The following OR10H5 variants were observed in gnomAD, a reference collection of about 807,000 sequenced individuals.
OR10H5 encodes the protein olfactory receptor 10H5.
A neutral mutation model predicts 12.2 loss-of-function variants in OR10H5; 7 were observed. That is an observed-to-expected ratio of 0.57 (90% CI 0.33 to 1.07). OR10H5 has a LOEUF of 1.07. OR10H5 is among the 50% of genes least tolerant of loss of function. The pLI is 0.04. For missense variants in OR10H5, 346 were observed against 411.6 expected (o/e 0.84, Z 1.38); for synonymous variants, 159 against 175.1 (o/e 0.91, Z 0.73).
Position 15,794,256 on chromosome 19 carries a change from G to A in OR10H5, c.208G>A (p.Glu70Lys), listed in dbSNP as rs2088825096. Residue 70 changes from glutamate (E) to lysine (K), a missense_variant, in exon 2 of 2, where the codon GAG (glutamate) becomes AAG (lysine). By Grantham distance (56) the Glu-to-Lys change is moderately conservative (BLOSUM62 1). Coordinates refer to ENST00000642092, the MANE Select transcript of OR10H5 (RefSeq NM_001004466.2). Reference sequence around the variant, plus strand: ...CTTCCTGTGTGCCCTCTCCATCACCGAGATCCTCTACACCGTGGCCATCAT... The same window carrying A: ...CTTCCTGTGTGCCCTCTCCATCACCAAGATCCTCTACACCGTGGCCATCAT... ...YLFLCALSIT[E>K]ILYTVAIIPR... The A allele has an allele frequency of 2.5e-6, 4 of 1,613,654 alleles. No homozygotes were observed. Among genetic ancestry groups the A allele is most frequent in the South Asian group, 2.2e-5 (2 of 91,004 alleles).
intron 1 of OR10H5, among the ~76,000 whole-genome samples, chr19:15,792,993 A>G (rs1004418011): frequency 1.2e-4 from 18 of 152,176 alleles, no homozygotes; most frequent in African/African-American, 4.3e-4. Context: ...CCGAGATTTA[A>G]AAATAGGAAT....
In OR10H5 at chr19:15,796,283, T is replaced by C. The variant is rs2088839608; in HGVS notation, c.*1287T>C. The C allele has an allele frequency of 6.6e-6, 1 of 152,240 alleles. No individual in the cohort carries two copies. The highest frequency in any genetic ancestry group is 6.5e-5 in the Admixed American group (1 of 15,274). The allele number at this position is 152,240 out of a possible 1,614,324, so 9.4% of individuals were successfully genotyped here. The stretch of plus-strand genomic sequence containing the variant: ...AGCTGGATTGAAAACAAGAGACACA[T>C]TCTAGCTAGCACCAATGGAGTGAGC... On this transcript the variant is annotated 3_prime_UTR_variant, in exon 2 of 2. Transcript: ENST00000642092.
chr19:15,796,445 G>C lies in OR10H5; in HGVS notation c.*1449G>C, dbSNP rs1317113578. 6.6e-6 allele frequency: 1 copy of C among 152,134 alleles called. No homozygotes were observed. The highest frequency in any genetic ancestry group is 2.4e-5 in the African/African-American group (1 of 41,426). 9.4% of individuals were successfully genotyped at this position (152,134 alleles called of 1,614,324 possible). A position where few individuals can be genotyped will look rare whatever the true frequency, so the allele number is the denominator to read the frequency against. ...TTTTAGTAGACGTGTTAATACGAAA[G>C]AGTGTGTCACATTCAAATATTAAAT... On this transcript the variant is annotated 3_prime_UTR_variant, in exon 2 of 2. Coordinates refer to ENST00000642092, the MANE Select transcript of OR10H5 (RefSeq NM_001004466.2).
At position 15,796,298 on chromosome 19, in the gene OR10H5, A is replaced by G. The variant is rs2088839635; in HGVS notation, c.*1302A>G. 1 of 152,264 alleles carries G rather than the reference A, an allele frequency of 6.6e-6. No homozygotes were observed. 9.4% of individuals were successfully genotyped at this position (152,264 alleles called of 1,614,324 possible). A position where few individuals can be genotyped will look rare whatever the true frequency, so the allele number is the denominator to read the frequency against. On this transcript the variant is annotated 3_prime_UTR_variant, in exon 2 of 2. Transcript: ENST00000642092. ...AAGAGACACATTCTAGCTAGCACCAATGGAGTGAGCCCAGAACTAGAAATA... is the reference window on the plus strand; with the variant it reads ...AAGAGACACATTCTAGCTAGCACCAGTGGAGTGAGCCCAGAACTAGAAATA...
chr19:15,799,729 AATAAGATCTCACTCTGTCACCC>A lies in OR10H5; in HGVS notation c.*4736_*4757del, dbSNP rs1252642757. 1 of 151,058 alleles carries A rather than the reference AATAAGATCTCACTCTGTCACCC, an allele frequency of 6.6e-6. No individual in the cohort carries two copies. The highest frequency in any genetic ancestry group is 1.5e-5 in the Non-Finnish European group (1 of 67,812). The allele number at this position is 151,058 out of a possible 1,614,324, so 9.4% of individuals were successfully genotyped here. On this transcript the variant is annotated 3_prime_UTR_variant, in exon 2 of 2. Coordinates refer to ENST00000642092, the MANE Select transcript of OR10H5 (RefSeq NM_001004466.2). ...TTTTTGAGAGAGAGAGAGAGAGAGAAATAAGATCTCACTCTGTCACCCATGCTGGAGTGCAGTGGCATGATCT... is the reference window on the plus strand; with the variant it reads ...TTTTTGAGAGAGAGAGAGAGAGAGAAATGCTGGAGTGCAGTGGCATGATCT...
rs1010893719 is a variant in OR10H5, at chr19:15,799,700, T to TA, written c.*4704_*4705insA. ...ACTATATGTTCATTGAATGTCTTTT[T>TA]TTTTTTTTGAGAGAGAGAGAGAGAG... On this transcript the variant is annotated 3_prime_UTR_variant, in exon 2 of 2. Transcript: ENST00000642092. 6.6e-6 allele frequency: 1 copy of TA among 151,036 alleles called. No individual in the cohort carries two copies. The highest frequency in any genetic ancestry group is 6.6e-5 in the Admixed American group (1 of 15,178). 9.4% of individuals were successfully genotyped at this position (151,036 alleles called of 1,614,324 possible). A position where few individuals can be genotyped will look rare whatever the true frequency, so the allele number is the denominator to read the frequency against.
intron 1 of OR10H5, among the ~76,000 whole-genome samples, chr19:15,789,606 C>G (rs781443672): frequency 3.3e-5 from 5 of 152,106 alleles, no homozygotes; most frequent in Non-Finnish European, 7.4e-5. Flanking sequence ...TGGGAGCCCT[C>G]AGCTGGGAGA....
At chr19:15,789,852 G>T (rs1398397693) in intron 1 of OR10H5, among the ~76,000 whole-genome samples, 1 of 149,696 alleles carries the variant, frequency 6.7e-6, no homozygotes, top group Non-Finnish European at 1.5e-5. Flanking sequence ...CATGAACATG[G>T]CTCACTGCAG....
rs765308362 is a variant in OR10H5, at chr19:15,794,025, C to G, written c.-11-13C>G. On this transcript the variant is annotated splice_polypyrimidine_tract_variant and intron_variant, in intron 1 of 1. Coordinates refer to ENST00000642092, the MANE Select transcript of OR10H5 (RefSeq NM_001004466.2). ...CTAACCACTGGGTCTTCTTTCCTCT[C>G]TCCACCAACTAGGGGTGGCCGCCAT... 1 of 1,592,580 alleles carries G rather than the reference C, an allele frequency of 6.3e-7. No individual in the cohort carries two copies. The highest frequency in any genetic ancestry group is 8.6e-7 in the Non-Finnish European group (1 of 1,167,238).
At chr19:15,789,611 G>A (rs979367823) in intron 1 of OR10H5, among the ~76,000 whole-genome samples, 21 of 152,136 alleles carry the variant, frequency 1.4e-4, no homozygotes, top group African/African-American at 4.8e-4. Context: ...GCCCTCAGCT[G>A]GGAGAAGGAC....
chr19:15,788,261 G>C (rs890178000), intron 1 of OR10H5, among the ~76,000 whole-genome samples: 14 of 152,076 alleles, frequency 9.2e-5, no homozygotes, highest in Non-Finnish European at 1.9e-4. Context: ...GAGGCTAGAC[G>C]TCTTAAAGCA....
Position 15,794,665 on chromosome 19 carries a change from C to T in OR10H5, c.617C>T (p.Thr206Met), listed in dbSNP as rs759753848. ...VAKGVGLVCI[T>M]ALLGCFLLIL... The stretch of plus-strand genomic sequence containing the variant: ...AAAGGCGTGGGCTTGGTGTGTATCA[C>T]GGCCCTGCTGGGCTGTTTTCTCCTC... The change falls in exon 2 of 2, where the codon ACG (threonine) becomes ATG (methionine). Residue 206 changes from threonine (T) to methionine (M), a missense_variant. By Grantham distance (81) the Thr-to-Met change is moderately conservative. Coordinates refer to ENST00000642092, the MANE Select transcript of OR10H5 (RefSeq NM_001004466.2). 8.2e-5 allele frequency: 133 copies of T among 1,613,984 alleles called. 1 individual carries two copies. Among genetic ancestry groups the T allele is most frequent in the South Asian group, 1.2e-4 (11 of 91,078 alleles).
chr19:15,795,129 CCTTT>C lies in OR10H5; in HGVS notation c.*135_*138del. 1 of 770,820 alleles carries C rather than the reference CCTTT, an allele frequency of 1.3e-6. No homozygotes were observed. The highest frequency in any genetic ancestry group is 2.0e-6 in the Non-Finnish European group (1 of 499,464). The allele number at this position is 770,820 out of a possible 1,614,324, so 47.7% of individuals were successfully genotyped here. A position where few individuals can be genotyped will look rare whatever the true frequency, so the allele number is the denominator to read the frequency against. On this transcript the variant is annotated 3_prime_UTR_variant, in exon 2 of 2. Transcript: ENST00000642092. ...TTCCTTCTTTCCTTCCTCCCTCCCT[CCTTT>C]CCTCCCTCCTTCTCTGACCTACAGT... is the stretch of plus-strand genomic sequence containing the variant.
chr19:15,792,210 T>A (rs78764321), intron 1 of OR10H5, among the ~76,000 whole-genome samples: 1,600 of 150,158 alleles, frequency 0.011, 21 homozygotes, highest in African/African-American at 0.038. Flanking sequence ...TCATTATCAT[T>A]TTTTTATTCG....
chr19:15,789,892 T>C (rs2088801967), intron 1 of OR10H5, among the ~76,000 whole-genome samples: 1 of 151,322 alleles, frequency 6.6e-6, no homozygotes, highest in Non-Finnish European at 1.5e-5. Context: ...AGCAATCCTC[T>C]CACCTCAGCC....
At position 15,797,130 on chromosome 19, in the gene OR10H5, A is replaced by G. The variant is rs1224130194; in HGVS notation, c.*2134A>G. The G allele has an allele frequency of 6.6e-6, 1 of 152,068 alleles. No homozygotes were observed. Among genetic ancestry groups the G allele is most frequent in the East Asian group, 1.9e-4 (1 of 5,196 alleles). The allele number at this position is 152,068 out of a possible 1,614,324, so 9.4% of individuals were successfully genotyped here. A position where few individuals can be genotyped will look rare whatever the true frequency, so the allele number is the denominator to read the frequency against. ...ACAGAGCGAGACTCTGTCTCAAAAA[A>G]ACAATAAAAAAAAGAAGAAGAAGTT... On this transcript the variant is annotated 3_prime_UTR_variant, in exon 2 of 2. Coordinates refer to ENST00000642092, the MANE Select transcript of OR10H5 (RefSeq NM_001004466.2).
Position 15,798,404 on chromosome 19 carries a change from G to T in OR10H5, c.*3408G>T, listed in dbSNP as rs1308173759. On this transcript the variant is annotated 3_prime_UTR_variant, in exon 2 of 2. Coordinates refer to ENST00000642092, the MANE Select transcript of OR10H5 (RefSeq NM_001004466.2). ...CACTTTCTGAAGTCTCACACCTCCT[G>T]CATTCCTCACTGTTTGCCAAGCCTT... is the stretch of plus-strand genomic sequence containing the variant. 2 of 151,768 alleles carry T rather than the reference G, an allele frequency of 1.3e-5. No homozygotes were observed. Among genetic ancestry groups the T allele is most frequent in the African/African-American group, 4.8e-5 (2 of 41,262 alleles). 9.4% of individuals were successfully genotyped at this position (151,768 alleles called of 1,614,324 possible).
chr19:15,789,522 C>A (rs952189549), intron 1 of OR10H5, among the ~76,000 whole-genome samples: 1 of 151,790 alleles, frequency 6.6e-6, no homozygotes, highest in Non-Finnish European at 1.5e-5. Flanking sequence ...TAGGGTTCTG[C>A]GTGTGCATCA....
chr19:15,793,797 T>C (rs940577863), intron 1 of OR10H5, among the ~76,000 whole-genome samples: 12 of 152,132 alleles, frequency 7.9e-5, no homozygotes, highest in Non-Finnish European at 1.5e-4. Context: ...GAGAATCACT[T>C]GAACCCAGGA....
Sources: gnomAD v4.1 joint callset for allele counts (sites outside exome capture counted in the v4.1 genomes callset) on GRCh38, gnomAD v4.1.1 for gene constraint, MANE v1.5 for transcripts, NCBI Gene and HGNC (gene_info 2026-07-23, HGNC 2026-07-21) for gene names.